The following ZNF385D variants were observed in gnomAD, a reference collection of about 807,000 sequenced individuals.
The protein encoded by ZNF385D is zinc finger protein 385D.
ZNF385D carries 15 observed loss-of-function variants against 35.8 expected under a neutral mutation model. That is an observed-to-expected ratio of 0.42 (90% CI 0.28 to 0.64). The LOEUF (loss-of-function observed/expected upper bound fraction) is 0.64. Ranked by LOEUF, ZNF385D falls within the 30% of genes least tolerant of loss-of-function variation. The pLI, the probability that ZNF385D is intolerant of heterozygous loss-of-function variation, is 0.23. For missense variants in ZNF385D, 474 were observed against 494.6 expected, an observed-to-expected ratio of 0.96 and a Z score of 0.39; for synonymous variants, 212 against 186.8, an observed-to-expected ratio of 1.13 and a Z score of -1.10.
At chr3:22,364,068 T>C (rs1696539424) in intron 2 of ZNF385D, among the ~76,000 whole-genome samples, 1 of 152,168 alleles carries the variant, frequency 6.6e-6, no homozygotes, top group Non-Finnish European at 1.5e-5. Context: ...AGTATTCACA[T>C]TCTAGTCTGT....
intron 3 of ZNF385D, among the ~76,000 whole-genome samples, chr3:22,091,278 G>A (rs1304142213): frequency 6.6e-6 from 1 of 152,158 alleles, no homozygotes; most frequent in Admixed American, 6.6e-5. Context: ...AGTCCAGCAT[G>A]ATAAACCATA....
chr3:22,314,817 A>T (rs758417314), intron 2 of ZNF385D, among the ~76,000 whole-genome samples: 22 of 152,120 alleles, frequency 1.4e-4, no homozygotes, highest in Non-Finnish European at 2.9e-4. Context: ...TTAATTGACT[A>T]GGCCTGGACT....
chr3:21,652,581 G>C (rs975820042), intron 2 of ZNF385D, among the ~76,000 whole-genome samples: 1 of 151,742 alleles, frequency 6.6e-6, no homozygotes, highest in African/African-American at 2.4e-5. Flanking sequence ...CCATCAACTC[G>C]TCATTTAGCA....
intron 3 of ZNF385D, among the ~76,000 whole-genome samples, chr3:22,143,059 T>TG (rs1704617040): frequency 1.4e-5 from 2 of 140,916 alleles, no homozygotes; most frequent in Non-Finnish European, 3.0e-5. Flanking sequence ...ATTAAATCGG[T>TG]TGTGTGTGTG....
chr3:21,610,934 G>A (rs542048392), intron 2 of ZNF385D, among the ~76,000 whole-genome samples: 5 of 152,256 alleles, frequency 3.3e-5, no homozygotes, highest in South Asian at 2.1e-4. Flanking sequence ...GGGTTTCTTC[G>A]CATTCAGTTT....
Position 22,219,148 on chromosome 3 carries a change from T to G in ZNF385D, c.107-50113A>C, listed in dbSNP as rs77276225. ...TTTTGGGCTGAGACAGATTTATATT[T>G]CTGTTTCAAATATCTTGGAACTGAC... On this transcript the variant is annotated intron_variant, in intron 2 of 5. Transcript: ENST00000494108. Among the ~76,000 whole-genome samples the G allele has an allele frequency of 4.9e-3, 739 of 152,280 alleles. 10 individuals carry two copies. Among genetic ancestry groups the G allele is most frequent in the African/African-American group, 0.017 (692 of 41,574 alleles).
chr3:22,124,024 G>T (rs1656940350), intron 3 of ZNF385D, among the ~76,000 whole-genome samples: 1 of 142,466 alleles, frequency 7.0e-6, no homozygotes, highest in Non-Finnish European at 1.5e-5. Flanking sequence ...GCAAGCAACT[G>T]CTAGGTCTTA....
chr3:21,510,178 T>G (rs901872743), intron 4 of ZNF385D, among the ~76,000 whole-genome samples: 1 of 152,154 alleles, frequency 6.6e-6, no homozygotes, highest in African/African-American at 2.4e-5. Flanking sequence ...GGTCTTATAT[T>G]TAAAATGTCA....
chr3:21,743,766 G>T (rs1239914177), intron 1 of ZNF385D, among the ~76,000 whole-genome samples: 1 of 152,132 alleles, frequency 6.6e-6, no homozygotes, highest in Non-Finnish European at 1.5e-5. Context: ...GGGAAACAGG[G>T]ACACAAACAT....
chr3:21,820,449 T>C (rs1194123082), intron 3 of ZNF385D, among the ~76,000 whole-genome samples: 1 of 151,608 alleles, frequency 6.6e-6, no homozygotes, highest in Non-Finnish European at 1.5e-5. Context: ...AGTTAAGGGG[T>C]ACAACAAAAT....
chr3:22,134,908 A>T (rs1228765728), intron 3 of ZNF385D, among the ~76,000 whole-genome samples: 1 of 152,206 alleles, frequency 6.6e-6, no homozygotes, highest in Non-Finnish European at 1.5e-5. Flanking sequence ...ACCTCTCATT[A>T]GGTCCAACCT....
intron 3 of ZNF385D, among the ~76,000 whole-genome samples, chr3:21,836,873 A>C (rs1391777958): frequency 1.3e-5 from 2 of 152,074 alleles, no homozygotes; most frequent in Admixed American, 6.6e-5. Context: ...AATATCTTAG[A>C]ATGGTGAGAA....
chr3:22,185,204 A>AT (rs34678032), intron 2 of ZNF385D, among the ~76,000 whole-genome samples: 25,514 of 152,142 alleles, frequency 0.17, 2,304 homozygotes, highest in Non-Finnish European at 0.18. Flanking sequence ...CAAGTAATAA[A>AT]TGTATAGATC....
intron 1 of ZNF385D, among the ~76,000 whole-genome samples, chr3:21,701,240 G>A (rs550600637): frequency 2.0e-5 from 3 of 152,218 alleles, no homozygotes; most frequent in African/African-American, 4.8e-5. Context: ...CACACGGCTC[G>A]GTAGGCCTCA....
At chr3:22,105,605 G>A (rs534467374) in intron 3 of ZNF385D, among the ~76,000 whole-genome samples, 1 of 135,354 alleles carries the variant, frequency 7.4e-6, no homozygotes, top group South Asian at 2.4e-4. Flanking sequence ...TCACAGTTCA[G>A]GTCTGAGGGA....
intron 3 of ZNF385D, chr3:21,978,316 GTCTA>G (rs1463732395): frequency 6.6e-6 from 1 of 152,180 alleles, no homozygotes; most frequent in Non-Finnish European, 1.5e-5. Context: ...AATGTTTGCT[GTCTA>G]TCTGTTACTG....
rs539122541 is a variant in ZNF385D at position 22,033,768 on chromosome 3, T to G, written c.325+135049A>C. 5.8e-4 allele frequency among the ~76,000 whole-genome samples: 89 copies of G among 152,314 alleles called. 2 individuals are homozygous for G. In the South Asian group the frequency reaches 0.012, roughly 20 times the overall value. On this transcript the variant is annotated intron_variant, in intron 3 of 5. Transcript: ENST00000494108. ...AGCAATTTTCCATAGAACCCCTTATTTGAGCAGTCTGACTGTAGTAGGTTA... is the reference window on the plus strand; with the variant it reads ...AGCAATTTTCCATAGAACCCCTTATGTGAGCAGTCTGACTGTAGTAGGTTA...
intron 3 of ZNF385D, among the ~76,000 whole-genome samples, chr3:21,982,877 T>C (rs1484229588): frequency 6.6e-6 from 1 of 152,082 alleles, no homozygotes; most frequent in Non-Finnish European, 1.5e-5. Context: ...AGTTCTGTTT[T>C]TGTGATGAAT....
At chr3:21,870,679 A>C (rs17009889) in intron 3 of ZNF385D, among the ~76,000 whole-genome samples, 2,177 of 152,250 alleles carry the variant, frequency 0.014, 45 homozygotes, top group African/African-American at 0.049. Flanking sequence ...TATGCATGAT[A>C]ATTTTATAAA....
Sources: gnomAD v4.1 joint callset for allele counts (sites outside exome capture counted in the v4.1 genomes callset) on GRCh38, gnomAD v4.1.1 for gene constraint, MANE v1.5 for transcripts, NCBI Gene and HGNC (gene_info 2026-07-23, HGNC 2026-07-21) for gene names.